NCS1: variants seen among roughly 807,000 people sequenced by gnomAD.
NCS1 encodes the protein frequenin homolog.
Under a neutral mutation model 28.4 loss-of-function variants are expected in NCS1, and 6 were observed. The ratio of observed to expected loss-of-function variants is 0.21; its 90% CI spans 0.12 to 0.42. NCS1 has a LOEUF of 0.42. Ranked by LOEUF, NCS1 falls within the 10% of genes least tolerant of loss-of-function variation. The pLI is 1.00. For missense variants in NCS1, 131 were observed against 241.4 expected (o/e 0.54, Z 3.03); for synonymous variants, 86 against 99.3 (o/e 0.87, Z 0.79).
At chr9:130,227,933 T>C (rs1489581165) in intron 7 of NCS1, among the ~76,000 whole-genome samples, 2 of 152,194 alleles carry the variant, frequency 1.3e-5, no homozygotes, top group African/African-American at 4.8e-5. Flanking sequence ...ATTGGGATAC[T>C]TGTCAGCCAT....
chr9:130,209,443 A>G lies in NCS1; in HGVS notation c.90-8389A>G, dbSNP rs1554908484. Among the ~76,000 whole-genome samples the G allele has an allele frequency of 6.6e-6, 1 of 152,126 alleles. No individual in the cohort carries two copies. Among genetic ancestry groups the G allele is most frequent in the Non-Finnish European group, 1.5e-5 (1 of 68,020 alleles). On this transcript the variant is annotated intron_variant, in intron 2 of 7. Transcript: ENST00000372398. The surrounding 1 kb of genome is among the most constrained non-coding windows in gnomAD (Gnocchi z 4.4). ...GAACTAGAGGCCAAAGTGGAGTTGG[A>G]CCCGTGTGTCCTGGGAGCATTCAAT...
chr9:130,228,651 GT>G (rs1196879674), intron 7 of NCS1, among the ~76,000 whole-genome samples: 1 of 149,830 alleles, frequency 6.7e-6, no homozygotes, highest in East Asian at 2.0e-4. Context: ...GGTCTACACT[GT>G]TTTTTTCTTT....
rs372505205 is a variant in NCS1 at position 130,228,980 on chromosome 9, T to G, written c.*17+2476T>G. On this transcript the variant is annotated intron_variant, in intron 7 of 7. Coordinates refer to ENST00000372398, the MANE Select transcript of NCS1 (RefSeq NM_014286.4). ...CCACCATGCCTGGCCAGGCCTACAC[T>G]GTTTTGAAGCGTCTGTTATTATTAT... Among the ~76,000 whole-genome samples, 25 of 152,222 alleles carry G rather than the reference T, an allele frequency of 1.6e-4. No individual in the cohort carries two copies. In the East Asian group the frequency reaches 4.3e-3, roughly 26 times the overall value.
chr9:130,180,000 TATCTATCTATCTATC>T (rs1564701842), intron 1 of NCS1, among the ~76,000 whole-genome samples: 12 of 718 alleles, frequency 0.017, no homozygotes, highest in African/African-American at 0.019. Flanking sequence ...TCTTTTTATC[TATCTATCTATCTATC>T]TATCTATCTA....
intron 2 of NCS1, among the ~76,000 whole-genome samples, chr9:130,205,575 C>A (rs1833013263): frequency 6.8e-6 from 1 of 147,380 alleles, no homozygotes. Context: ...CGGTGGCCCA[C>A]ACGTGTAATC....
intron 6 of NCS1, among the ~76,000 whole-genome samples, chr9:130,224,489 C>T (rs982518894): frequency 3.4e-5 from 5 of 147,878 alleles, no homozygotes; most frequent in African/African-American, 1.3e-4. Flanking sequence ...ACCTGGGAGG[C>T]AGAGGTTGCA....
At position 130,219,332 on chromosome 9, in the gene NCS1, C is replaced by T. The variant is rs576039170; in HGVS notation, c.229-393C>T. Among the ~76,000 whole-genome samples, 12 of 152,300 alleles carry T rather than the reference C, an allele frequency of 7.9e-5. No homozygotes were observed. The East Asian group carries it at 1.9e-3, about 25-fold the overall frequency. On this transcript the variant is annotated intron_variant, in intron 3 of 7. Transcript: ENST00000372398. The surrounding 1 kb of genome is among the most constrained non-coding windows in gnomAD (Gnocchi z 5.7). ...CAAATAAGAGGTGGAATTAAACAAC[C>T]TGCAGCGGCCTTTCCTCTGCAAAAG...
At chr9:130,193,219 G>A (rs1832839495) in intron 1 of NCS1, among the ~76,000 whole-genome samples, 1 of 152,322 alleles carries the variant, frequency 6.6e-6, no homozygotes, top group African/African-American at 2.4e-5. Flanking sequence ...GGTACTGCAG[G>A]GAGAACACAG....
chr9:130,201,332 G>A (rs1475533635), intron 2 of NCS1, among the ~76,000 whole-genome samples: 3 of 152,152 alleles, frequency 2.0e-5, no homozygotes, highest in African/African-American at 7.2e-5. Flanking sequence ...CTTTCCCCTC[G>A]CTGGGGCTCC....
In NCS1 at chr9:130,226,314, C is replaced by T. The variant is rs1003101190; in HGVS notation, c.475-75C>T. ...CTAACCTTGGAAGGGCTCTTGGGAC[C>T]GGCCCTGGGCTGGGCTTGTCTAGAG... On this transcript the variant is annotated intron_variant, in intron 6 of 7. Transcript: ENST00000372398. The surrounding 1 kb of genome is among the most constrained non-coding windows in gnomAD (Gnocchi z 4.8). The T allele has an allele frequency of 9.3e-5, 121 of 1,300,132 alleles. No homozygotes were observed. The highest frequency in any genetic ancestry group is 7.0e-4 in the Admixed American group (40 of 56,742). 80.5% of individuals were successfully genotyped at this position (1,300,132 alleles called of 1,614,324 possible). A position where few individuals can be genotyped will look rare whatever the true frequency, so the allele number is the denominator to read the frequency against.
intron 5 of NCS1, 45 bp downstream of exon 5, chr9:130,222,783 A>G: frequency 1.9e-6 from 3 of 1,576,258 alleles, no homozygotes; most frequent in Middle Eastern, 1.7e-4. Context: ...AGGAGGGGCA[A>G]AGCCAGTGAC....
chr9:130,197,737 C>A (rs13291607), intron 1 of NCS1, among the ~76,000 whole-genome samples: 2,363 of 152,188 alleles, frequency 0.016, 21 homozygotes, highest in Non-Finnish European at 0.025. Flanking sequence ...CCAAGGCAGA[C>A]GTATCACTTG....
intron 1 of NCS1, among the ~76,000 whole-genome samples, chr9:130,188,018 G>A (rs891233620): frequency 1.3e-5 from 2 of 152,222 alleles, no homozygotes; most frequent in African/African-American, 2.4e-5. Flanking sequence ...GTGGGGAGAT[G>A]GGGGGTGGTG....
chr9:130,187,416 G>A (rs528931357), intron 1 of NCS1, among the ~76,000 whole-genome samples: 18 of 152,190 alleles, frequency 1.2e-4, no homozygotes, highest in Non-Finnish European at 2.2e-4. Flanking sequence ...AAGGGCCAGA[G>A]CCGGAGTCAG....
At chr9:130,176,167 T>TTTCTTTCTTTCTTTCTTTCTTTCTTTCC (rs1832564456) in intron 1 of NCS1, among the ~76,000 whole-genome samples, 1 of 80,726 alleles carries the variant, frequency 1.2e-5, no homozygotes, top group Admixed American at 1.5e-4. Flanking sequence ...TCTTTCTTTC[T>TTTCTTTCTTTCTTTCTTTCTTTCTTTCC]TTCTTTCTTT....
At chr9:130,216,134 C>T (rs143741502) in intron 2 of NCS1, among the ~76,000 whole-genome samples, 28 of 152,258 alleles carry the variant, frequency 1.8e-4, no homozygotes, top group African/African-American at 5.5e-4. Context: ...GGGAGGGGGA[C>T]GGTGGCTTTT....
At chr9:130,223,001 C>G in intron 5 of NCS1, 81 bp from the exon 6 acceptor site, 3 of 1,254,052 alleles carry the variant, frequency 2.4e-6, no homozygotes, top group Non-Finnish European at 3.5e-6. Flanking sequence ...TGGAAACTGC[C>G]AGGTCTGGGG....
intron 1 of NCS1, among the ~76,000 whole-genome samples, chr9:130,176,571 C>A (rs1554904673): frequency 6.6e-6 from 1 of 152,232 alleles, no homozygotes; most frequent in African/African-American, 2.4e-5. Context: ...GGGCAAATTT[C>A]TTCTCTCCAC....
chr9:130,188,197 C>T (rs566596319), intron 1 of NCS1, among the ~76,000 whole-genome samples: 5 of 152,326 alleles, frequency 3.3e-5, no homozygotes, highest in Admixed American at 3.3e-4. Context: ...ACCACGCTGC[C>T]TCTGGATAAG....
Sources: allele counts gnomAD v4.1 joint callset (sites outside exome capture counted in the v4.1 genomes callset), GRCh38; gene constraint gnomAD v4.1.1; non-coding constraint Gnocchi (gnomAD v3.1); transcripts MANE v1.5; gene names NCBI Gene and HGNC (gene_info 2026-07-23, HGNC 2026-07-21).